Variants in DPP6 observed in about 807,000 individuals in gnomAD.
DPP6 encodes the protein A-type potassium channel modulatory protein DPP6.
DPP6 carries 69 observed loss-of-function variants against 122.6 expected under a neutral mutation model. The observed-to-expected ratio is 0.56, with a 90% CI of 0.46 to 0.69. The LOEUF (loss-of-function observed/expected upper bound fraction) is 0.69, where lower values mean the gene tolerates loss of function less well. Ranked by LOEUF, DPP6 falls within the 30% of genes least tolerant of loss-of-function variation. DPP6 has a pLI of 0.00. For missense variants in DPP6, 928 were observed against 1,116.9 expected, an observed-to-expected ratio of 0.83 and a Z score of 2.41; for synonymous variants, 418 against 433.1, an observed-to-expected ratio of 0.97 and a Z score of 0.43.
intron 8 of DPP6, among the ~76,000 whole-genome samples, chr7:154,740,235 G>C (rs902005703): frequency 1.3e-5 from 2 of 151,236 alleles, no homozygotes; most frequent in Non-Finnish European, 2.9e-5. Flanking sequence ...TTTTTTTATA[G>C]CGCCCTAATG....
rs1801726266 is a variant in DPP6, at chr7:154,060,805, G to GAGT, written c.243+7742_243+7743insAGT. On this transcript the variant is annotated intron_variant, in intron 1 of 25. Coordinates refer to ENST00000377770, the MANE Select transcript of DPP6 (RefSeq NM_130797.4). ...AGGACGCCCATCACAGGAGGGGGAC[G>GAGT]CACCCCCCATGAGGCAGGGACTGAG... Among the ~76,000 whole-genome samples the GAGT allele has an allele frequency of 2.0e-5, 2 of 98,436 alleles. 1 individual carries two copies. The highest frequency in any genetic ancestry group is 3.9e-5 in the Non-Finnish European group (2 of 51,458). 64.6% of individuals were successfully genotyped at this position (98,436 alleles called of 152,430 possible).
At chr7:153,841,527 C>A in the DPP6 span, among the ~76,000 whole-genome samples, 1 of 152,160 alleles carries the variant, frequency 6.6e-6, no homozygotes, top group East Asian at 1.9e-4. Context: ...AAGGGTATCT[C>A]GGCATTACCA....
intron 3 of DPP6, among the ~76,000 whole-genome samples, chr7:154,535,101 GAAGTAATTCAGTGGGA>G (rs1377039814): frequency 3.3e-5 from 5 of 151,616 alleles, no homozygotes; most frequent in African/African-American, 1.2e-4. Context: ...AAAAAATGCT[GAAGTAATTCAGTGGGA>G]AAAAGACAAT....
intron 3 of DPP6, among the ~76,000 whole-genome samples, chr7:154,518,830 T>G (rs1478987006): frequency 6.6e-6 from 1 of 152,210 alleles, no homozygotes; most frequent in Non-Finnish European, 1.5e-5. Flanking sequence ...ATTGACATTA[T>G]TAATATCCCC....
At chr7:154,041,545 C>T (rs990078257) in intron 1 of DPP6, among the ~76,000 whole-genome samples, 6 of 152,162 alleles carry the variant, frequency 3.9e-5, no homozygotes, top group African/African-American at 1.2e-4. Context: ...TATCCTGGTG[C>T]AAGAGCCAGG....
chr7:154,086,801 T>C (rs2533656), intron 1 of DPP6, among the ~76,000 whole-genome samples: 1 of 152,026 alleles, frequency 6.6e-6, no homozygotes, highest in African/African-American at 2.4e-5. Flanking sequence ...ATATTTTTAG[T>C]AGAGACAGGG....
chr7:153,978,744 C>A (rs550458487), intron 1 of DPP6, among the ~76,000 whole-genome samples: 90 of 152,080 alleles, frequency 5.9e-4, no homozygotes, highest in Non-Finnish European at 1.2e-3. Context: ...AGGAAAACGT[C>A]CAGTTTCAGT....
intron 8 of DPP6, among the ~76,000 whole-genome samples, chr7:154,737,257 A>G (rs1349457696): frequency 2.0e-5 from 3 of 152,184 alleles, no homozygotes; most frequent in Non-Finnish European, 4.4e-5. Context: ...TCCTCGGGAG[A>G]CTGGTTCCAG....
chr7:153,778,464 C>T, the DPP6 span, among the ~76,000 whole-genome samples: 1 of 151,448 alleles, frequency 6.6e-6, no homozygotes. Flanking sequence ...AATGAATGTA[C>T]CTCTTACTCA....
chr7:154,110,446 G>A (rs1472787866), intron 1 of DPP6, among the ~76,000 whole-genome samples: 2 of 152,108 alleles, frequency 1.3e-5, no homozygotes, highest in Non-Finnish European at 2.9e-5. Flanking sequence ...CTGGAATCTG[G>A]TACTTACCTC....
In DPP6 at chr7:154,063,059, A is replaced by G. The variant is rs369141151; in HGVS notation, c.243+9996A>G. Among the ~76,000 whole-genome samples, 964 of 73,138 alleles carry G rather than the reference A, an allele frequency of 0.013. 11 individuals carry two copies. In the Middle Eastern group the frequency reaches 0.15, roughly 11 times the overall value. 48.0% of individuals were successfully genotyped at this position (73,138 alleles called of 152,430 possible). A position where few individuals can be genotyped will look rare whatever the true frequency, so the allele number is the denominator to read the frequency against. Reference sequence around the variant, plus strand: ...AGGAGGGGGAGGCACCCCCCACGAGAGTGGGGACTGAGAGCTATCCCCTCT... The same window carrying G: ...AGGAGGGGGAGGCACCCCCCACGAGGGTGGGGACTGAGAGCTATCCCCTCT... On this transcript the variant is annotated intron_variant, in intron 1 of 25. Coordinates refer to ENST00000377770, the MANE Select transcript of DPP6 (RefSeq NM_130797.4).
Position 154,478,008 on chromosome 7 carries a change from T to G in DPP6, c.457+2971T>G, listed in dbSNP as rs866515830. Among the ~76,000 whole-genome samples, 15 of 152,254 alleles carry G rather than the reference T, an allele frequency of 9.9e-5. 1 individual carries two copies. The South Asian group carries it at 3.1e-3, about 32-fold the overall frequency. ...ACCCTCAGCTTCCCCTTACCTTTTTTTTTTTATCTTATTCCTCTTCCTAAA... is the reference window on the plus strand; with the variant it reads ...ACCCTCAGCTTCCCCTTACCTTTTTGTTTTTATCTTATTCCTCTTCCTAAA... On this transcript the variant is annotated intron_variant, in intron 3 of 25. Transcript: ENST00000377770.
chr7:154,697,785 G>A (rs917196646), intron 7 of DPP6, among the ~76,000 whole-genome samples: 20 of 152,152 alleles, frequency 1.3e-4, no homozygotes, highest in African/African-American at 4.8e-4. Flanking sequence ...TCCCAGGTTC[G>A]AATTCCCACC....
At chr7:154,558,335 A>G (rs572593191) in intron 4 of DPP6, among the ~76,000 whole-genome samples, 8 of 152,332 alleles carry the variant, frequency 5.3e-5, no homozygotes, top group African/African-American at 1.7e-4. Context: ...GGAAATAACA[A>G]TTACAGAACT....
At chr7:153,892,567 G>GC (rs1205699781) in intron 1 of DPP6, among the ~76,000 whole-genome samples, 3 of 152,046 alleles carry the variant, frequency 2.0e-5, no homozygotes, top group Non-Finnish European at 1.5e-5. Context: ...GCCCGTCTCG[G>GC]CCCCCCAAAG....
chr7:154,338,409 T>A (rs1809620077), intron 1 of DPP6, among the ~76,000 whole-genome samples: 1 of 152,112 alleles, frequency 6.6e-6, no homozygotes, highest in African/African-American at 2.4e-5. Context: ...CAGGAAAACC[T>A]AATAGTAACT....
In DPP6 at chr7:154,486,613, G is replaced by C. The variant is rs932421388; in HGVS notation, c.457+11576G>C. Among the ~76,000 whole-genome samples the C allele has an allele frequency of 6.6e-6, 1 of 152,168 alleles. No individual in the cohort carries two copies. Among genetic ancestry groups the C allele is most frequent in the African/African-American group, 2.4e-5 (1 of 41,414 alleles). Reference sequence around the variant, plus strand: ...TCTCTGATTTTCCAAATTAGAATTAGTTGTGTACTCCACGATACCGCAGTA... The same window carrying C: ...TCTCTGATTTTCCAAATTAGAATTACTTGTGTACTCCACGATACCGCAGTA... On this transcript the variant is annotated intron_variant, in intron 3 of 25. Coordinates refer to ENST00000377770, the MANE Select transcript of DPP6 (RefSeq NM_130797.4). The surrounding 1 kb of genome is among the most constrained non-coding windows in gnomAD (Gnocchi z 4.5).
At chr7:154,543,241 A>T (rs532306547) in intron 4 of DPP6, among the ~76,000 whole-genome samples, 2 of 152,228 alleles carry the variant, frequency 1.3e-5, no homozygotes, top group Non-Finnish European at 2.9e-5. Context: ...ACAGCCTTAA[A>T]CAAGTTGAGA....
chr7:154,053,896 TTAGA>T (rs573634509), intron 1 of DPP6, among the ~76,000 whole-genome samples: 102 of 147,846 alleles, frequency 6.9e-4, no homozygotes, highest in Non-Finnish European at 1.0e-3. Context: ...GAGCCGGACC[TTAGA>T]TGGATGCGTT....
Sources: allele counts gnomAD v4.1 joint callset (sites outside exome capture counted in the v4.1 genomes callset), GRCh38; gene constraint gnomAD v4.1.1; non-coding constraint Gnocchi (gnomAD v3.1); transcripts MANE v1.5; gene names NCBI Gene and HGNC (gene_info 2026-07-23, HGNC 2026-07-21).